FBXW10B: variants seen among roughly 807,000 people sequenced by gnomAD.
FBXW10B encodes the protein F-box and WD repeat domain containing protein 10B.
At chr17:15,609,343 T>C in the FBXW10B span, among the ~76,000 whole-genome samples, 2 of 149,318 alleles carry the variant, frequency 1.3e-5, no homozygotes, top group African/African-American at 4.9e-5. Flanking sequence ...AGTCTATCTC[T>C]GCTCAGAAGA....
chr17:15,609,882 G>C, the FBXW10B span, among the ~76,000 whole-genome samples: 1 of 119,606 alleles, frequency 8.4e-6, no homozygotes. Context: ...TTTTGAGATG[G>C]AGTCTCGCTC....
At chr17:15,615,104 T>C in the FBXW10B span, among the ~76,000 whole-genome samples, 1 of 151,844 alleles carries the variant, frequency 6.6e-6, no homozygotes, top group African/African-American at 2.4e-5. Flanking sequence ...GAGGTGCAAA[T>C]ATGGGTTTGG....
At chr17:15,566,222 G>C in the FBXW10B span, 1 of 1,612,186 alleles carries the variant, frequency 6.2e-7, no homozygotes, top group Non-Finnish European at 8.5e-7. Flanking sequence ...TTACGGGCGT[G>C]CTGCAGGGCG....
At chr17:15,588,743 C>T in the FBXW10B span, 418 of 740,328 alleles carry the variant, frequency 5.6e-4, 7 homozygotes, top group South Asian at 6.5e-3. Flanking sequence ...CAGATCAGTG[C>T]TGCCTCTACT....
chr17:15,604,020 C>T, the FBXW10B span, among the ~76,000 whole-genome samples: 3 of 145,194 alleles, frequency 2.1e-5, no homozygotes, highest in Non-Finnish European at 4.5e-5. Context: ...GCGGAGCTTG[C>T]AGTGAGCCAA....
At chr17:15,613,881 G>T in the FBXW10B span, 3 of 1,604,468 alleles carry the variant, frequency 1.9e-6, no homozygotes, top group African/African-American at 4.3e-5. Context: ...ATGAAGTCTC[G>T]GTATTTGCTG....
At chr17:15,580,883 C>A in the FBXW10B span, among the ~76,000 whole-genome samples, 5 of 151,972 alleles carry the variant, frequency 3.3e-5, no homozygotes, top group Admixed American at 6.6e-5. Context: ...TTAACAAGCA[C>A]TTTTTAAGTG....
the FBXW10B span, among the ~76,000 whole-genome samples, chr17:15,600,371 C>A: frequency 2.0e-5 from 3 of 147,712 alleles, no homozygotes; most frequent in African/African-American, 7.6e-5. Context: ...TTACCAGTTT[C>A]TCAGAGCCTA....
chr17:15,600,016 AC>A, the FBXW10B span, among the ~76,000 whole-genome samples: 2 of 151,832 alleles, frequency 1.3e-5, no homozygotes, highest in East Asian at 3.9e-4. Flanking sequence ...GGAGATCGAG[AC>A]CATCCTGGCT....
the FBXW10B span, among the ~76,000 whole-genome samples, chr17:15,592,423 A>G: frequency 1.3e-5 from 2 of 151,422 alleles, no homozygotes; most frequent in East Asian, 3.9e-4. Flanking sequence ...GGAAGGCAAT[A>G]TGGTTTAGGG....
the FBXW10B span, among the ~76,000 whole-genome samples, chr17:15,566,653 CG>C: frequency 1.4e-4 from 22 of 151,842 alleles, no homozygotes; most frequent in Non-Finnish European, 2.6e-4. Context: ...CTCTGCCTTC[CG>C]GGTTCACGCC....
chr17:15,571,615 G>C, the FBXW10B span: 1 of 152,170 alleles, frequency 6.6e-6, no homozygotes, highest in Non-Finnish European at 1.5e-5. Context: ...CAGTTTGGCA[G>C]ATTTCAATAA....
At chr17:15,612,910 C>T in the FBXW10B span, 4 of 1,510,484 alleles carry the variant, frequency 2.6e-6, no homozygotes, top group Non-Finnish European at 3.5e-6. Context: ...AAAACTAGTT[C>T]TTGGCAAAAT....
chr17:15,605,167 G>A, the FBXW10B span: 9 of 1,582,916 alleles, frequency 5.7e-6, no homozygotes, highest in South Asian at 1.2e-5. Flanking sequence ...CTTCTTCCAT[G>A]AGCTGCCTCT....
the FBXW10B span, chr17:15,573,241 C>T: frequency 6.6e-6 from 1 of 152,138 alleles, no homozygotes; most frequent in Non-Finnish European, 1.5e-5. Context: ...TCAGTCAAAT[C>T]CTCACAGCCA....
chr17:15,571,848 T>A, the FBXW10B span: 1 of 151,450 alleles, frequency 6.6e-6, no homozygotes, highest in Non-Finnish European at 1.5e-5. Context: ...AAAAGCACTA[T>A]GTTAAGTGAA....
At chr17:15,569,191 T>A in the FBXW10B span, 1 of 385,850 alleles carries the variant, frequency 2.6e-6, no homozygotes, top group Non-Finnish European at 3.5e-6. Context: ...TAGTTCTATT[T>A]TTAGTTCTTT....
chr17:15,616,520 G>A, the FBXW10B span, among the ~76,000 whole-genome samples: 3 of 152,020 alleles, frequency 2.0e-5, no homozygotes, highest in Non-Finnish European at 4.4e-5. Context: ...AGAGAAGGTT[G>A]TTGGTCCGGC....
At chr17:15,612,824 C>T in the FBXW10B span, 1 of 1,601,832 alleles carries the variant, frequency 6.2e-7, no homozygotes, top group Non-Finnish European at 8.5e-7. Flanking sequence ...TATAGGACCC[C>T]TGGAAAAACA....
Sources: allele counts gnomAD v4.1 joint callset (sites outside exome capture counted in the v4.1 genomes callset), GRCh38; gene constraint gnomAD v4.1.1; transcripts MANE v1.5; gene names NCBI Gene and HGNC (gene_info 2026-07-23, HGNC 2026-07-21).